MAST2: variants seen among roughly 807,000 people sequenced by gnomAD.
The protein encoded by MAST2 is microtubule associated serine/threonine kinase 2.
Under a neutral mutation model 147.4 loss-of-function variants are expected in MAST2, and 70 were observed. The observed-to-expected ratio is 0.47, with a 90% CI of 0.39 to 0.58. The LOEUF is 0.58. Among genes scored for constraint, MAST2 ranks in the 20% least tolerant of loss-of-function variants. MAST2 has a pLI of 0.00. For missense variants in MAST2, 2,080 were observed against 2,302.3 expected (o/e 0.90, Z 1.98); for synonymous variants, 869 against 896.8 (o/e 0.97, Z 0.55).
In MAST2 at chr1:45,822,261, T is replaced by C. The variant is rs936481221; in HGVS notation, c.178-2172T>C. 2.0e-5 allele frequency among the ~76,000 whole-genome samples: 3 copies of C among 152,196 alleles called. No homozygotes were observed. In the South Asian group the frequency reaches 6.2e-4, roughly 31 times the overall value. On this transcript the variant is annotated intron_variant, in intron 1 of 28. Transcript: ENST00000361297. ...TGTGAAAATTCATTGAGTTCTATGCTTAGGTATGTGTACTTTTCTAAAATG... is the reference window on the plus strand; with the variant it reads ...TGTGAAAATTCATTGAGTTCTATGCCTAGGTATGTGTACTTTTCTAAAATG...
chr1:46,000,914 C>A (rs965506489), intron 6 of MAST2: 3 of 1,270,412 alleles, frequency 2.4e-6, no homozygotes, highest in African/African-American at 3.1e-5. Flanking sequence ...ATCACTCTCT[C>A]TGGTTCCTTT....
intron 3 of MAST2, among the ~76,000 whole-genome samples, chr1:45,878,163 C>T (rs1646686667): frequency 6.8e-6 from 1 of 147,248 alleles, no homozygotes; most frequent in African/African-American, 2.5e-5. Context: ...GAGATCACGC[C>T]ACTGCATTCC....
Position 45,894,163 on chromosome 1 carries a change from C to G in MAST2, c.500+11768C>G, listed in dbSNP as rs184096200. Among the ~76,000 whole-genome samples the G allele has an allele frequency of 3.9e-3, 592 of 151,704 alleles. 1 individual carries two copies. Among genetic ancestry groups the G allele is most frequent in the Non-Finnish European group, 6.1e-3 (413 of 67,946 alleles). On this transcript the variant is annotated intron_variant, in intron 4 of 28. Transcript: ENST00000361297. ...CCTGGGAGGTGGAGGTTGCAGTGAA[C>G]TGAGATCATGCCACTGCACTCTAGC...
chr1:45,867,771 T>C (rs1213945541), intron 3 of MAST2, among the ~76,000 whole-genome samples: 1 of 152,098 alleles, frequency 6.6e-6, no homozygotes, highest in Non-Finnish European at 1.5e-5. Flanking sequence ...CCAGGCTAGA[T>C]GTATAGGTTA....
chr1:46,010,781 C>T lies in MAST2; in HGVS notation c.1030C>T (p.Pro344Ser). 1.2e-6 allele frequency: 2 copies of T among 1,614,182 alleles called. No individual in the cohort carries two copies. The highest frequency in any genetic ancestry group is 1.1e-5 in the South Asian group (1 of 91,076). ...RLAEFISSNT[P>S]DSVLPLADGA... ...AGCAGAGTTTATTTCCTCCAACACT[C>T]CAGACAGCGTGCTGCCCTTGGCAGA... Residue 344 changes from proline to serine, a missense_variant, in exon 10 of 29, where the codon CCA (proline) becomes TCA (serine). Pro to Ser is a moderately conservative substitution (Grantham distance 74). Around this residue, in one of 4 missense-constraint regions of MAST2, gnomAD observed 569 missense variants for 642.5 expected, o/e 0.89. Transcript: ENST00000361297.
chr1:45,921,459 C>T (rs1244223324), intron 4 of MAST2, among the ~76,000 whole-genome samples: 6 of 152,252 alleles, frequency 3.9e-5, no homozygotes, highest in South Asian at 2.1e-4. Context: ...AAGCTACCAG[C>T]CTGGATCCCA....
chr1:45,952,537 T>C (rs1234927213), intron 4 of MAST2, among the ~76,000 whole-genome samples: 1 of 152,154 alleles, frequency 6.6e-6, no homozygotes, highest in South Asian at 2.1e-4. Flanking sequence ...GTTGGAAATA[T>C]ATCTAAAAAA....
chr1:46,031,724 G>A lies in MAST2; in HGVS notation c.3187+139G>A. ...ACTGTGGTCTCTGAAGGTGTGTATT[G>A]GTGTCTGGGGTTGTGTATACATGTG... is the stretch of plus-strand genomic sequence containing the variant. On this transcript the variant is annotated intron_variant, in intron 24 of 28. Transcript: ENST00000361297. The surrounding 1 kb of genome is among the most constrained non-coding windows in gnomAD (Gnocchi z 4.1). 1.2e-6 allele frequency: 1 copy of A among 843,844 alleles called. No homozygotes were observed. Among genetic ancestry groups the A allele is most frequent in the South Asian group, 1.8e-5 (1 of 55,972 alleles). The allele number at this position is 843,844 out of a possible 1,614,324, so 52.3% of individuals were successfully genotyped here.
rs1028095527 is a variant in MAST2, at chr1:46,018,284, C to G, written c.1189-1312C>G. 2.5e-4 allele frequency among the ~76,000 whole-genome samples: 38 copies of G among 152,270 alleles called. 1 individual carries two copies. Among genetic ancestry groups the G allele is most frequent in the African/African-American group, 8.9e-4 (37 of 41,560 alleles). On this transcript the variant is annotated intron_variant, in intron 10 of 28. Transcript: ENST00000361297. ...GCTCCCATGTCTTCAGTTGTCATCT[C>G]TACGCTGAGGACTCCCACATGTGGC...
At position 45,824,454 on chromosome 1, in the gene MAST2, C is replaced by G; in HGVS notation, c.199C>G (p.Pro67Ala). ...KEQDVVTGVSPLLFRKLSNPD... is the reference protein window; with the variant it reads ...KEQDVVTGVSALLFRKLSNPD... ...GAAGGATGTAGTAACTGGAGTTAGT[C>G]CCCTGCTCTTCAGGAAACTCAGTAA... Residue 67 changes from proline (P) to alanine (A), a missense_variant, in exon 2 of 29, where the codon CCC becomes GCC. Around this residue, in one of 4 missense-constraint regions of MAST2, gnomAD observed 569 missense variants for 642.5 expected, o/e 0.89. Coordinates refer to ENST00000361297, the MANE Select transcript of MAST2 (RefSeq NM_015112.3). 6.2e-7 allele frequency: 1 copy of G among 1,609,342 alleles called. No individual in the cohort carries two copies. Among genetic ancestry groups the G allele is most frequent in the Non-Finnish European group, 8.5e-7 (1 of 1,177,144 alleles).
At chr1:45,930,623 T>C (rs1557923405) in intron 4 of MAST2, among the ~76,000 whole-genome samples, 1 of 152,164 alleles carries the variant, frequency 6.6e-6, no homozygotes, top group African/African-American at 2.4e-5. Flanking sequence ...TTCAGCCTTA[T>C]TCACCCCTAT....
chr1:45,910,199 TTCTG>T (rs764458498), intron 4 of MAST2, among the ~76,000 whole-genome samples: 2 of 152,048 alleles, frequency 1.3e-5, no homozygotes, highest in African/African-American at 2.4e-5. Context: ...TGTCTTATTT[TTCTG>T]TCTATGTTGG....
In MAST2 at chr1:46,025,551, A is replaced by T. The variant is rs908839334; in HGVS notation, c.1781-126A>T. ...CCAGCAGCAAAGGGGCTAGAATCAG[A>T]GTCTCCAGCACCAGGATATTCCATG... On this transcript the variant is annotated intron_variant, in intron 15 of 28. Coordinates refer to ENST00000361297, the MANE Select transcript of MAST2 (RefSeq NM_015112.3). The T allele has an allele frequency of 5.3e-6, 6 of 1,129,772 alleles. No homozygotes were observed. In the African/African-American group the frequency reaches 9.2e-5, roughly 17 times the overall value. The allele number at this position is 1,129,772 out of a possible 1,614,324, so 70.0% of individuals were successfully genotyped here. A position where few individuals can be genotyped will look rare whatever the true frequency, so the allele number is the denominator to read the frequency against.
intron 1 of MAST2, among the ~76,000 whole-genome samples, chr1:45,810,501 G>T (rs533527308): frequency 6.6e-6 from 1 of 152,156 alleles, no homozygotes; most frequent in East Asian, 1.9e-4. Flanking sequence ...GATTGTTGAG[G>T]GTCTTTAGTG....
Position 46,004,330 on chromosome 1 carries a change from C to T in MAST2, c.747+1447C>T, listed in dbSNP as rs546810453. 2.3e-4 allele frequency among the ~76,000 whole-genome samples: 34 copies of T among 146,244 alleles called. 1 individual carries two copies. Among genetic ancestry groups the T allele is most frequent in the South Asian group, 2.2e-3 (10 of 4,540 alleles). ...CATGAGCCGAGATCACACCACTGCACTCCAGCCTGGGTGACAGAGCAAGAC... is the reference window on the plus strand; with the variant it reads ...CATGAGCCGAGATCACACCACTGCATTCCAGCCTGGGTGACAGAGCAAGAC... On this transcript the variant is annotated intron_variant, in intron 7 of 28. Coordinates refer to ENST00000361297, the MANE Select transcript of MAST2 (RefSeq NM_015112.3).
At chr1:45,894,197 C>G (rs543688504) in intron 4 of MAST2, among the ~76,000 whole-genome samples, 12 of 149,616 alleles carry the variant, frequency 8.0e-5, no homozygotes, top group Admixed American at 7.3e-4. Context: ...GCCTGGGTGA[C>G]AGTGAGACCC....
chr1:45,952,536 A>G (rs1054886874), intron 4 of MAST2, among the ~76,000 whole-genome samples: 1 of 152,238 alleles, frequency 6.6e-6, no homozygotes, highest in Non-Finnish European at 1.5e-5. Context: ...TGTTGGAAAT[A>G]TATCTAAAAA....
chr1:46,002,750 T>A, intron 6 of MAST2, 55 bp from the exon 7 acceptor site: 1 of 1,513,212 alleles, frequency 6.6e-7, no homozygotes, highest in Non-Finnish European at 9.2e-7. Flanking sequence ...ACAGGCAGGT[T>A]GTGGGTCAGG....
intron 6 of MAST2, among the ~76,000 whole-genome samples, chr1:45,998,569 A>G (rs1276485841): frequency 6.6e-6 from 1 of 152,140 alleles, no homozygotes; most frequent in Non-Finnish European, 1.5e-5. Context: ...GCCAGAGTTT[A>G]TATTTATTTT....
Sources: gnomAD v4.1 joint callset for allele counts (sites outside exome capture counted in the v4.1 genomes callset) on GRCh38, gnomAD v4.1.1 for gene constraint, gnomAD v4.1.1 regional missense constraint, Gnocchi (gnomAD v3.1) non-coding constraint, MANE v1.5 for transcripts, NCBI Gene and HGNC (gene_info 2026-07-23, HGNC 2026-07-21) for gene names.